TMEM163: variants seen among roughly 807,000 people sequenced by gnomAD.
TMEM163 encodes the protein transmembrane protein 163.
A neutral mutation model predicts 29.3 loss-of-function variants in TMEM163; 17 were observed. That is an observed-to-expected ratio of 0.58 (90% confidence interval 0.40 to 0.87). The LOEUF (loss-of-function observed/expected upper bound fraction) is 0.87. TMEM163 is among the 40% of genes least tolerant of loss of function. The pLI is 0.00. For missense variants in TMEM163, 303 were observed against 381.5 expected (o/e 0.79, Z 1.71); for synonymous variants, 157 against 160.6 (o/e 0.98, Z 0.17).
At chr2:134,530,243 G>T (rs1558935393) in intron 4 of TMEM163, among the ~76,000 whole-genome samples, 2 of 151,876 alleles carry the variant, frequency 1.3e-5, no homozygotes, top group African/African-American at 4.8e-5. Context: ...GGCAGTTAGA[G>T]AAAAAAAATG....
intron 4 of TMEM163, among the ~76,000 whole-genome samples, chr2:134,504,168 A>G (rs1048552165): frequency 6.6e-6 from 1 of 152,224 alleles, no homozygotes; most frequent in African/African-American, 2.4e-5. Flanking sequence ...CTTATAACCC[A>G]GTAAACCTGT....
At chr2:134,708,063 T>C (rs1684856959) in intron 2 of TMEM163, among the ~76,000 whole-genome samples, 1 of 152,102 alleles carries the variant, frequency 6.6e-6, no homozygotes, top group Non-Finnish European at 1.5e-5. Context: ...ATTTTTGTAT[T>C]TTTAGTAGAG....
chr2:134,639,180 A>G (rs1024769954), intron 2 of TMEM163, among the ~76,000 whole-genome samples: 2 of 152,232 alleles, frequency 1.3e-5, no homozygotes, highest in African/African-American at 2.4e-5. Flanking sequence ...CCGAGCTGAC[A>G]CTGAGCAGAA....
intron 4 of TMEM163, among the ~76,000 whole-genome samples, chr2:134,509,796 C>T (rs528230198): frequency 1.3e-5 from 2 of 152,320 alleles, no homozygotes; most frequent in African/African-American, 2.4e-5. Context: ...TGATAAAACA[C>T]AACCTGTGAG....
intron 4 of TMEM163, among the ~76,000 whole-genome samples, chr2:134,515,299 C>T (rs968336497): frequency 1.3e-5 from 2 of 152,078 alleles, no homozygotes; most frequent in Non-Finnish European, 2.9e-5. Context: ...CACACGGGGT[C>T]TGAAGCATCC....
At chr2:134,536,691 T>C (rs1461499185) in intron 4 of TMEM163, among the ~76,000 whole-genome samples, 1 of 152,128 alleles carries the variant, frequency 6.6e-6, no homozygotes, top group African/African-American at 2.4e-5. Flanking sequence ...AGAATATACT[T>C]AGTACAGTGC....
chr2:134,576,354 C>T (rs992074413), intron 2 of TMEM163, among the ~76,000 whole-genome samples: 24 of 152,126 alleles, frequency 1.6e-4, no homozygotes, highest in African/African-American at 5.8e-4. Flanking sequence ...AATAAAAATG[C>T]CACAAGGGCC....
intron 2 of TMEM163, among the ~76,000 whole-genome samples, chr2:134,627,210 T>C (rs1682872236): frequency 6.6e-6 from 1 of 152,222 alleles, no homozygotes; most frequent in South Asian, 2.1e-4. Flanking sequence ...CAGTAGGGCA[T>C]TTCATCCTAT....
intron 2 of TMEM163, 122 bp from the exon 3 acceptor site, chr2:134,552,213 T>C: frequency 1.5e-6 from 1 of 668,700 alleles, no homozygotes; most frequent in Non-Finnish European, 2.5e-6. Flanking sequence ...AAACCAAAAA[T>C]TAACTGTACT....
At chr2:134,469,104 G>C (rs990673768) in intron 5 of TMEM163, 2 of 152,166 alleles carry the variant, frequency 1.3e-5, no homozygotes, top group Non-Finnish European at 2.9e-5. Flanking sequence ...TCTCGTAAGA[G>C]AGACACAGGA....
chr2:134,457,866 A>C (rs1487275399), intron 7 of TMEM163, among the ~76,000 whole-genome samples, 166 bp downstream of exon 7: 2 of 151,970 alleles, frequency 1.3e-5, no homozygotes, highest in Admixed American at 1.3e-4. Context: ...AGGATATCTG[A>C]CCCCTGCTGG....
In TMEM163 at chr2:134,502,889, G is replaced by A; in HGVS notation, c.555+12C>T. 4 of 1,611,826 alleles carry A rather than the reference G, an allele frequency of 2.5e-6. No individual in the cohort carries two copies. The highest frequency in any genetic ancestry group is 1.7e-4 in the Middle Eastern group (1 of 6,056). ...GGCAGGAAGGATTGTTAAGGAAGAA[G>A]AAGGACCTTACCACTTCTGGGAGCA... On this transcript the variant is annotated intron_variant, in intron 5 of 7. Transcript: ENST00000281924.
chr2:134,541,428 A>T (rs929851350), intron 4 of TMEM163, among the ~76,000 whole-genome samples: 4 of 152,260 alleles, frequency 2.6e-5, no homozygotes, highest in African/African-American at 9.6e-5. Context: ...ACTGGTCGTC[A>T]AAATTATGTA....
In TMEM163 at chr2:134,478,935, C is replaced by T. The variant is rs140873915; in HGVS notation, c.556-12710G>A. Among the ~76,000 whole-genome samples the T allele has an allele frequency of 1.4e-3, 208 of 152,346 alleles. 3 individuals are homozygous for T. The highest frequency in any genetic ancestry group is 9.1e-3 in the East Asian group (47 of 5,178). On this transcript the variant is annotated intron_variant, in intron 5 of 7. Transcript: ENST00000281924. ...TGCTGCCTTATGCAGCCTTGGGATA[C>T]TGCTCCCCTCATCCTGGGGTGGAAG...
chr2:134,609,824 C>T (rs1224191356), intron 2 of TMEM163, among the ~76,000 whole-genome samples: 1 of 134,652 alleles, frequency 7.4e-6, no homozygotes, highest in Non-Finnish European at 1.6e-5. Flanking sequence ...AAAAGGAGGA[C>T]AGATCCCGAG....
At chr2:134,486,027 A>G (rs1679298620) in intron 5 of TMEM163, among the ~76,000 whole-genome samples, 3 of 152,200 alleles carry the variant, frequency 2.0e-5, no homozygotes, top group Non-Finnish European at 1.5e-5. Context: ...TCTCAGATTT[A>G]TAACTATCAG....
Position 134,573,017 on chromosome 2 carries a change from C to G in TMEM163, c.323-20926G>C, listed in dbSNP as rs16830815. Reference sequence around the variant, plus strand: ...TTGCCCCACAACCAAAGCTGCTGGACTGGCTACCGAGGGATCTCCCACACC... The same window carrying G: ...TTGCCCCACAACCAAAGCTGCTGGAGTGGCTACCGAGGGATCTCCCACACC... On this transcript the variant is annotated intron_variant, in intron 2 of 7. Transcript: ENST00000281924. Among the ~76,000 whole-genome samples, 403 of 152,324 alleles carry G rather than the reference C, an allele frequency of 2.6e-3. 4 individuals are homozygous for G. The highest frequency in any genetic ancestry group is 0.017 in the Admixed American group (255 of 15,304).
Position 134,511,174 on chromosome 2 carries a change from T to C in TMEM163, c.459-8177A>G, listed in dbSNP as rs184387703. ...AAGGCGGGGGGGGGTGCTGTTACTTTATATCCAGTACTCACACTTCTTTCT... is the reference window on the plus strand; with the variant it reads ...AAGGCGGGGGGGGGTGCTGTTACTTCATATCCAGTACTCACACTTCTTTCT... On this transcript the variant is annotated intron_variant, in intron 4 of 7. Transcript: ENST00000281924. Among the ~76,000 whole-genome samples the C allele has an allele frequency of 5.5e-3, 824 of 149,834 alleles. 4 individuals are homozygous for C. The highest frequency in any genetic ancestry group is 6.8e-3 in the Non-Finnish European group (465 of 67,924).
At chr2:134,465,551 C>G (rs1005297624) in intron 6 of TMEM163, among the ~76,000 whole-genome samples, 9 of 152,222 alleles carry the variant, frequency 5.9e-5, no homozygotes, top group South Asian at 2.1e-4. Flanking sequence ...ACACACCCCT[C>G]TCTGTCATCC....
Sources: gnomAD v4.1 joint callset for allele counts (sites outside exome capture counted in the v4.1 genomes callset) on GRCh38, gnomAD v4.1.1 for gene constraint, MANE v1.5 for transcripts, NCBI Gene and HGNC (gene_info 2026-07-23, HGNC 2026-07-21) for gene names.